QSER1: variants seen among roughly 807,000 people sequenced by gnomAD.
QSER1 encodes glutamine and serine-rich protein 1.
In QSER1, 49 loss-of-function variants were observed where a neutral mutation model predicts 158.5. The observed-to-expected ratio is 0.31, with a 90% CI of 0.25 to 0.39. The LOEUF (loss-of-function observed/expected upper bound fraction) is 0.39. Ranked by LOEUF, QSER1 falls within the 10% of genes least tolerant of loss-of-function variation. QSER1 has a pLI of 1.00. For synonymous variants in QSER1, 650 were observed against 715.5 expected, an observed-to-expected ratio of 0.91 and a Z score of 1.46; for missense variants, 1,754 against 2,010.3, an observed-to-expected ratio of 0.87 and a Z score of 2.44.
intron 1 of QSER1, among the ~76,000 whole-genome samples, chr11:32,902,831 C>T (rs191981138): frequency 1.3e-5 from 2 of 152,240 alleles, no homozygotes; most frequent in East Asian, 3.9e-4. Flanking sequence ...CATAATAATT[C>T]TAGAATGTAG....
At chr11:32,951,838 A>ATT (rs34354021) in intron 4 of QSER1, among the ~76,000 whole-genome samples, 1,665 of 135,972 alleles carry the variant, frequency 0.012, 21 homozygotes, top group Middle Eastern at 0.019. Context: ...ATTCCTTGGG[A>ATT]TTTTTTTTTT....
intron 12 of QSER1, among the ~76,000 whole-genome samples, chr11:32,975,897 ACTACCTTATTTGACCAGCACTATCACTT>A (rs1852967201): frequency 6.6e-6 from 1 of 152,256 alleles, no homozygotes; most frequent in African/African-American, 2.4e-5. Flanking sequence ...TGTAGACAAT[ACTACCTTATTTGACCAGCACTATCACTT>A]CTTTTCATTA....
chr11:32,971,377 T>C (rs1401726021), intron 10 of QSER1, among the ~76,000 whole-genome samples: 2 of 152,230 alleles, frequency 1.3e-5, no homozygotes, highest in Non-Finnish European at 2.9e-5. Flanking sequence ...TCCTGAAGCT[T>C]TTTCAAGGTA....
chr11:32,919,223 C>T (rs1851871538), intron 1 of QSER1, among the ~76,000 whole-genome samples: 1 of 152,060 alleles, frequency 6.6e-6, no homozygotes, highest in South Asian at 2.1e-4. Context: ...GCATGATCAC[C>T]TACGAACTCC....
In QSER1 at chr11:32,893,690, C is replaced by T. The variant is rs1056301448; in HGVS notation, c.209+356C>T. Among the ~76,000 whole-genome samples, 1 of 152,078 alleles carries T rather than the reference C, an allele frequency of 6.6e-6. No individual in the cohort carries two copies. The highest frequency in any genetic ancestry group is 1.5e-5 in the Non-Finnish European group (1 of 67,996). ...GGCGCCGGGGGTCCGAAGGGGGCGC[C>T]GGAGAGTTTGGGGCAGTGGCGATCC... On this transcript the variant is annotated intron_variant, in intron 1 of 12. Coordinates refer to ENST00000650167, the MANE Select transcript of QSER1 (RefSeq NM_001076786.3). This position sits in a 1 kb window ranked among gnomAD's most constrained non-coding sequence, Gnocchi z 4.7.
intron 4 of QSER1, among the ~76,000 whole-genome samples, chr11:32,940,254 G>A (rs1268277910): frequency 1.3e-5 from 2 of 152,128 alleles, no homozygotes; most frequent in African/African-American, 4.8e-5. Context: ...TGTTAGCCTT[G>A]CACAAGGCTT....
At chr11:32,907,259 A>G (rs951856643) in intron 1 of QSER1, among the ~76,000 whole-genome samples, 3 of 152,174 alleles carry the variant, frequency 2.0e-5, no homozygotes, top group Admixed American at 6.5e-5. Flanking sequence ...ACAATTTTGG[A>G]TTTTGATTCA....
intron 1 of QSER1, among the ~76,000 whole-genome samples, chr11:32,901,387 T>C (rs1851623245): frequency 6.6e-6 from 1 of 152,212 alleles, no homozygotes; most frequent in African/African-American, 2.4e-5. Context: ...ACAAAAATAA[T>C]TCAGGGACTT....
chr11:32,955,399 C>A lies in QSER1; in HGVS notation c.4604C>A (p.Ala1535Asp). Residue 1535 changes from alanine to aspartate, a missense_variant, in exon 6 of 13, where the codon GCT (alanine) becomes GAT (aspartate). Transcript: ENST00000650167. ...PEIRDGQREFAATNSYLGYFG... is the reference protein window; with the variant it reads ...PEIRDGQREFDATNSYLGYFG... ...ATTCGAGATGGTCAAAGAGAATTTGCTGCTACAAATAGTGTAAGTAAAATG... is the reference window on the plus strand; with the variant it reads ...ATTCGAGATGGTCAAAGAGAATTTGATGCTACAAATAGTGTAAGTAAAATG... 2 of 1,564,362 alleles carry A rather than the reference C, an allele frequency of 1.3e-6. No homozygotes were observed. The highest frequency in any genetic ancestry group is 1.8e-5 in the Admixed American group (1 of 55,352).
At position 32,934,301 on chromosome 11, in the gene QSER1, T is replaced by G. The variant is rs758295996; in HGVS notation, c.3043T>G (p.Ser1015Ala). Residue 1015 changes from serine to alanine, a missense_variant, in exon 4 of 13, where the codon TCT becomes GCT. By Grantham distance (99) the Ser-to-Ala change is moderately conservative. Around this residue, in one of 2 missense-constraint regions of QSER1, gnomAD observed 1,707 missense variants for 1,919.6 expected, o/e 0.89. Transcript: ENST00000650167. ...ETMQAVEDGD[S>A]KSHFQQSLDV... ...CATGCAGGCTGTTGAAGATGGTGAT[T>G]CTAAATCTCATTTTCAGCAGTCATT... The G allele has an allele frequency of 5.0e-6, 8 of 1,613,904 alleles. No individual in the cohort carries two copies. The highest frequency in any genetic ancestry group is 6.8e-6 in the Non-Finnish European group (8 of 1,179,994).
At chr11:32,917,931 G>C (rs756039253) in intron 1 of QSER1, among the ~76,000 whole-genome samples, 1 of 151,666 alleles carries the variant, frequency 6.6e-6, no homozygotes, top group Non-Finnish European at 1.5e-5. Context: ...TTAGATGGTA[G>C]CTCAAGTAGG....
chr11:32,895,338 C>G (rs1170474058), intron 1 of QSER1, among the ~76,000 whole-genome samples: 1 of 152,150 alleles, frequency 6.6e-6, no homozygotes, highest in African/African-American at 2.4e-5. Flanking sequence ...TACCCCCCTC[C>G]CCCGCCAGCC....
At chr11:32,974,849 T>G (rs748732076) in intron 11 of QSER1, among the ~76,000 whole-genome samples, 3 of 152,204 alleles carry the variant, frequency 2.0e-5, no homozygotes, top group Non-Finnish European at 4.4e-5. Flanking sequence ...TGTGATTCCC[T>G]TCTCATTACA....
intron 4 of QSER1, among the ~76,000 whole-genome samples, chr11:32,940,924 T>C (rs1156368106): frequency 6.6e-6 from 1 of 152,072 alleles, no homozygotes; most frequent in Non-Finnish European, 1.5e-5. Flanking sequence ...TGTCTGGTTT[T>C]ATCTTAATTC....
At chr11:32,930,891 G>A (rs1487526529) in intron 3 of QSER1, among the ~76,000 whole-genome samples, 1 of 152,124 alleles carries the variant, frequency 6.6e-6, no homozygotes, top group African/African-American at 2.4e-5. Context: ...GTCTCTTTCT[G>A]ACAGTACTTT....
At chr11:32,939,511 GATTTTA>G (rs1003116432) in intron 4 of QSER1, among the ~76,000 whole-genome samples, 1 of 152,056 alleles carries the variant, frequency 6.6e-6, no homozygotes, top group African/African-American at 2.4e-5. Flanking sequence ...AGTAATTTTG[GATTTTA>G]TCTTGGACAT....
Position 32,893,981 on chromosome 11 carries a change from C to G in QSER1, c.209+647C>G, listed in dbSNP as rs143815110. Among the ~76,000 whole-genome samples the G allele has an allele frequency of 2.4e-3, 356 of 150,450 alleles. No homozygotes were observed. Among genetic ancestry groups the G allele is most frequent in the African/African-American group, 8.2e-3 (337 of 40,930 alleles). Reference sequence around the variant, plus strand: ...TTTCTTCCACGCGTTCAAAGTTGCTCTTAGGTTTCCTCCCCTTTTAACAAC... The same window carrying G: ...TTTCTTCCACGCGTTCAAAGTTGCTGTTAGGTTTCCTCCCCTTTTAACAAC... On this transcript the variant is annotated intron_variant, in intron 1 of 12. Transcript: ENST00000650167. The surrounding 1 kb of genome is among the most constrained non-coding windows in gnomAD (Gnocchi z 4.7).
intron 10 of QSER1, among the ~76,000 whole-genome samples, chr11:32,969,755 G>C (rs1852818246): frequency 6.7e-6 from 1 of 150,360 alleles, no homozygotes; most frequent in South Asian, 2.1e-4. Context: ...CACAACCTTG[G>C]CTCGCTGCAA....
At chr11:32,937,964 C>T (rs150326282) in intron 4 of QSER1, among the ~76,000 whole-genome samples, 4 of 152,244 alleles carry the variant, frequency 2.6e-5, no homozygotes, top group African/African-American at 9.6e-5. Flanking sequence ...ATTAGTGCTC[C>T]TATCCTTTGA....
Sources: gnomAD v4.1 joint callset for allele counts (sites outside exome capture counted in the v4.1 genomes callset) on GRCh38, gnomAD v4.1.1 for gene constraint, gnomAD v4.1.1 regional missense constraint, Gnocchi (gnomAD v3.1) non-coding constraint, MANE v1.5 for transcripts, NCBI Gene and HGNC (gene_info 2026-07-23, HGNC 2026-07-21) for gene names.